Variants in WFDC11 observed in about 807,000 individuals in gnomAD.
The protein encoded by WFDC11 is WAP four-disulfide core domain 11, also known as protein WFDC11.
Under a neutral mutation model 9.9 loss-of-function variants are expected in WFDC11, and 9 were observed. The observed-to-expected ratio is 0.91, with a 90% CI of 0.55 to 1.58. The LOEUF is 1.58. Among genes scored for constraint, WFDC11 ranks in the 40% most tolerant of loss-of-function variants. The pLI is 0.00. For missense variants in WFDC11, 106 were observed against 101.7 expected, an observed-to-expected ratio of 1.04 and a Z score of -0.18; for synonymous variants, 32 against 33.3, an observed-to-expected ratio of 0.96 and a Z score of 0.13.
rs1245787221 is a variant in WFDC11, at chr20:45,651,089, C to T, written c.-51-438G>A. ...TTCCACCCTTCACCCTCAAGTAGAC[C>T]CCAGTGTTGGTTGTTCCTTCTTTGT... On this transcript the variant is annotated intron_variant, in intron 2 of 4. Transcript: ENST00000324384. Among the ~76,000 whole-genome samples the T allele has an allele frequency of 2.6e-5, 4 of 152,084 alleles. No individual in the cohort carries two copies. In the East Asian group the frequency reaches 7.7e-4, roughly 29 times the overall value.
intron 2 of WFDC11, among the ~76,000 whole-genome samples, chr20:45,665,965 C>T (rs1045408638): frequency 3.3e-5 from 5 of 152,210 alleles, no homozygotes; most frequent in Non-Finnish European, 5.9e-5. Context: ...AGCTGTCAGA[C>T]GGGGACGTTT....
intron 2 of WFDC11, among the ~76,000 whole-genome samples, chr20:45,651,058 C>G (rs1037705977): frequency 1.3e-5 from 2 of 152,202 alleles, no homozygotes; most frequent in Non-Finnish European, 2.9e-5. Context: ...CTGCTCCTCT[C>G]CCTCCTTCCA....
At chr20:45,660,661 C>A (rs556308719) in intron 2 of WFDC11, among the ~76,000 whole-genome samples, 2 of 152,028 alleles carry the variant, frequency 1.3e-5, no homozygotes, top group Non-Finnish European at 2.9e-5. Context: ...TGAGAATACG[C>A]GGTGTTTGGT....
At chr20:45,655,877 G>A (rs965966063) in intron 2 of WFDC11, among the ~76,000 whole-genome samples, 3 of 152,030 alleles carry the variant, frequency 2.0e-5, no homozygotes, top group Non-Finnish European at 4.4e-5. Flanking sequence ...AACTTACAAT[G>A]GACATGAAGG....
rs138513601 is a variant in WFDC11 at position 45,662,153 on chromosome 20, C to A, written c.-52+4935G>T. Among the ~76,000 whole-genome samples the A allele has an allele frequency of 3.9e-3, 588 of 152,154 alleles. 6 individuals carry two copies. Among genetic ancestry groups the A allele is most frequent in the African/African-American group, 0.013 (533 of 41,492 alleles). On this transcript the variant is annotated intron_variant, in intron 2 of 4. Coordinates refer to ENST00000324384, the MANE Select transcript of WFDC11 (RefSeq NM_147197.2). ...CTTCACGTCCCTTGTAAGTTGGATA[C>A]CTAGGTATTTTATTCTCTTTGAAGC...
chr20:45,668,617 T>A (rs961390212), intron 1 of WFDC11, among the ~76,000 whole-genome samples: 1 of 152,232 alleles, frequency 6.6e-6, no homozygotes, highest in African/African-American at 2.4e-5. Context: ...TAATTGTTAA[T>A]CTTGTCAACC....
chr20:45,649,707 T>C (rs67543353), intron 3 of WFDC11, among the ~76,000 whole-genome samples: 46,540 of 152,058 alleles, frequency 0.31, 7,230 homozygotes, highest in Middle Eastern at 0.43. Context: ...ACCCGGAGCA[T>C]TCATGTAACC....
intron 2 of WFDC11, among the ~76,000 whole-genome samples, chr20:45,663,305 TTC>T (rs1600942074): frequency 6.6e-6 from 1 of 152,216 alleles, no homozygotes; most frequent in Non-Finnish European, 1.5e-5. Context: ...TATTTGATTC[TTC>T]TCTCTTTTTT....
intron 2 of WFDC11, among the ~76,000 whole-genome samples, chr20:45,657,065 C>T (rs1429311755): frequency 6.6e-6 from 1 of 152,182 alleles, no homozygotes. Flanking sequence ...CCATTTGACC[C>T]AGCCATCCCA....
intron 2 of WFDC11, among the ~76,000 whole-genome samples, chr20:45,651,253 T>C (rs1982798675): frequency 6.6e-6 from 1 of 152,212 alleles, no homozygotes; most frequent in Non-Finnish European, 1.5e-5. Flanking sequence ...ACACCATATA[T>C]ATAGAGAGGG....
At chr20:45,661,193 T>A (rs1436449352) in intron 2 of WFDC11, among the ~76,000 whole-genome samples, 1 of 152,194 alleles carries the variant, frequency 6.6e-6, no homozygotes, top group Non-Finnish European at 1.5e-5. Context: ...TTTCATGTGT[T>A]TTTTGGCTGC....
chr20:45,650,846 GA>G (rs886244438), intron 2 of WFDC11, among the ~76,000 whole-genome samples, 195 bp from the exon 3 acceptor site: 1 of 151,654 alleles, frequency 6.6e-6, no homozygotes, highest in East Asian at 1.9e-4. Context: ...CCTTTTGCTG[GA>G]AAAAAAATAT....
intron 2 of WFDC11, among the ~76,000 whole-genome samples, chr20:45,663,220 A>G (rs549728700): frequency 2.6e-5 from 4 of 152,302 alleles, no homozygotes; most frequent in African/African-American, 9.6e-5. Flanking sequence ...AGGTGTTTCT[A>G]GTATTCTCTG....
At chr20:45,649,744 A>G (rs1982761108) in intron 3 of WFDC11, among the ~76,000 whole-genome samples, 1 of 152,192 alleles carries the variant, frequency 6.6e-6, no homozygotes, top group Non-Finnish European at 1.5e-5. Flanking sequence ...TTTACATAAC[A>G]GGAGATCTCA....
intron 2 of WFDC11, among the ~76,000 whole-genome samples, chr20:45,661,057 T>C (rs1983050997): frequency 1.3e-5 from 2 of 152,184 alleles, no homozygotes; most frequent in South Asian, 4.1e-4. Flanking sequence ...TTCCTATTTC[T>C]CCACATCCTC....
At chr20:45,650,253 GAGAGAGAGAGAGAC>G (rs1982775489) in intron 3 of WFDC11, among the ~76,000 whole-genome samples, 1 of 150,522 alleles carries the variant, frequency 6.6e-6, no homozygotes, top group African/African-American at 2.5e-5. Flanking sequence ...TATATAGAGA[GAGAGAGAGAGAGAC>G]AGAGAGAGAG....
At position 45,648,628 on chromosome 20, in the gene WFDC11, T is replaced by C. The variant is rs1568660218; in HGVS notation, c.*91A>G. The C allele has an allele frequency of 1.5e-6, 2 of 1,342,718 alleles. No homozygotes were observed. The highest frequency in any genetic ancestry group is 4.6e-5 in the East Asian group (2 of 43,064). 83.2% of individuals were successfully genotyped at this position (1,342,718 alleles called of 1,614,324 possible). Reference sequence around the variant, plus strand: ...CCAGCTCTCAGTAAAAATAGACTGGTGTTCCTAAAAGTAGCCACAGGGTAC... The same window carrying C: ...CCAGCTCTCAGTAAAAATAGACTGGCGTTCCTAAAAGTAGCCACAGGGTAC... On this transcript the variant is annotated 3_prime_UTR_variant, in exon 5 of 5. Transcript: ENST00000324384.
chr20:45,656,587 G>A (rs1982937703), intron 2 of WFDC11, among the ~76,000 whole-genome samples: 1 of 151,932 alleles, frequency 6.6e-6, no homozygotes, highest in East Asian at 1.9e-4. Context: ...TAGACAAGTG[G>A]GATCTAATTA....
chr20:45,663,301 A>T (rs2145622825), intron 2 of WFDC11, among the ~76,000 whole-genome samples: 1 of 151,348 alleles, frequency 6.6e-6, no homozygotes, highest in African/African-American at 2.4e-5. Flanking sequence ...CATCTATTTG[A>T]TTCTTCTCTC....
Sources: gnomAD v4.1 joint callset for allele counts (sites outside exome capture counted in the v4.1 genomes callset) on GRCh38, gnomAD v4.1.1 for gene constraint, MANE v1.5 for transcripts, NCBI Gene and HGNC (gene_info 2026-07-23, HGNC 2026-07-21) for gene names.